Variants in ZNF609 observed in about 807,000 individuals in gnomAD.
ZNF609 encodes the protein zinc finger protein 609.
ZNF609 carries 11 observed loss-of-function variants against 109.5 expected under a neutral mutation model. That is an observed-to-expected ratio of 0.10 (90% CI 0.06 to 0.17). The LOEUF is 0.17. Among genes scored for constraint, ZNF609 ranks in the 10% least tolerant of loss-of-function variants. The pLI is 1.00. For synonymous variants in ZNF609, 646 were observed against 662.0 expected (o/e 0.98, Z 0.37); for missense variants, 1,559 against 1,772.4 (o/e 0.88, Z 2.16).
At chr15:64,644,981 T>TTTTCTTTCTTTCTTTC (rs147608283) in intron 3 of ZNF609, among the ~76,000 whole-genome samples, 1,748 of 139,580 alleles carry the variant, frequency 0.013, 25 homozygotes, top group African/African-American at 0.034. Context: ...CTTTCTTTCT[T>TTTTCTTTCTTTCTTTC]TTTCTTTCTT....
chr15:64,577,045 CATAA>C (rs1212335490), intron 2 of ZNF609, among the ~76,000 whole-genome samples: 2 of 99,392 alleles, frequency 2.0e-5, no homozygotes, highest in African/African-American at 7.0e-5. Flanking sequence ...TATATATACA[CATAA>C]ATATATACAT....
chr15:64,480,303 G>A (rs2140336796), intron 1 of ZNF609, among the ~76,000 whole-genome samples: 1 of 152,276 alleles, frequency 6.6e-6, no homozygotes, highest in South Asian at 2.1e-4. Flanking sequence ...GGAGGCTGAG[G>A]CAGGTGGATC....
At chr15:64,486,891 C>T (rs577524817) in intron 1 of ZNF609, among the ~76,000 whole-genome samples, 2 of 152,232 alleles carry the variant, frequency 1.3e-5, no homozygotes, top group East Asian at 1.9e-4. Context: ...TGAGCCACTA[C>T]GCCTGGCCTT....
chr15:64,511,586 A>G (rs901580174), intron 2 of ZNF609, among the ~76,000 whole-genome samples: 11 of 152,044 alleles, frequency 7.2e-5, no homozygotes, highest in Non-Finnish European at 1.3e-4. Flanking sequence ...AGAAATTAAC[A>G]TTCAGGTTGC....
At chr15:64,609,167 C>G (rs962808535) in intron 2 of ZNF609, among the ~76,000 whole-genome samples, 1 of 128,730 alleles carries the variant, frequency 7.8e-6, no homozygotes, top group Non-Finnish European at 1.6e-5. Flanking sequence ...CTCTTTCTTT[C>G]TTTCTGTCTG....
intron 3 of ZNF609, among the ~76,000 whole-genome samples, chr15:64,642,160 C>G (rs1436520007): frequency 6.6e-6 from 1 of 152,102 alleles, no homozygotes; most frequent in Non-Finnish European, 1.5e-5. Flanking sequence ...AAATTTGGAG[C>G]TAAAATACAG....
chr15:64,677,547 A>G (rs991924090), intron 5 of ZNF609, among the ~76,000 whole-genome samples: 1 of 152,026 alleles, frequency 6.6e-6, no homozygotes, highest in Non-Finnish European at 1.5e-5. Flanking sequence ...TGGTCTCTCT[A>G]TTTTTTAGAG....
At chr15:64,478,030 A>G (rs919562866) in intron 1 of ZNF609, among the ~76,000 whole-genome samples, 9 of 152,118 alleles carry the variant, frequency 5.9e-5, no homozygotes, top group African/African-American at 2.2e-4. Context: ...CTGAGGATAT[A>G]TTGGGACCCA....
chr15:64,681,005 C>A (rs1335318358), intron 8 of ZNF609, 143 bp downstream of exon 8: 3 of 898,204 alleles, frequency 3.3e-6, no homozygotes, highest in African/African-American at 1.7e-5. Context: ...AGCTTCTAAT[C>A]TGTGCACAGT....
Position 64,597,813 on chromosome 15 carries a change from A to T in ZNF609, c.748-25014A>T, listed in dbSNP as rs185133100. 3.2e-3 allele frequency among the ~76,000 whole-genome samples: 493 copies of T among 152,252 alleles called. 1 individual carries two copies. Among genetic ancestry groups the T allele is most frequent in the Middle Eastern group, 0.01 (3 of 294 alleles). On this transcript the variant is annotated intron_variant, in intron 2 of 9. Transcript: ENST00000326648. ...CCCCAGCTCACAGGACCACCCAGTG[A>T]CCTGTGCAGTGGATCTTCTGACTTA... is the stretch of plus-strand genomic sequence containing the variant.
At position 64,500,027 on chromosome 15, in the gene ZNF609, G is replaced by A. The variant is rs1893538576; in HGVS notation, c.608G>A (p.Gly203Glu). 1 of 1,614,198 alleles carries A rather than the reference G, an allele frequency of 6.2e-7. No individual in the cohort carries two copies. The highest frequency in any genetic ancestry group is 8.5e-7 in the Non-Finnish European group (1 of 1,180,038). ...GRGGQYDGSA[G>E]VDTGAVEPLG... ...GGTGGTCAGTATGATGGAAGTGCAG[G>A]GGTGGATACAGGAGCTGTGGAGCCA... Residue 203 changes from glycine to glutamate, a missense_variant, in exon 2 of 10, where the codon GGG becomes GAG. This residue lies in a region of ZNF609 where 291 missense variants were observed against 317.8 expected (regional missense o/e 0.92). Transcript: ENST00000326648.
chr15:64,571,423 G>A (rs957178291), intron 2 of ZNF609, among the ~76,000 whole-genome samples: 1 of 151,896 alleles, frequency 6.6e-6, no homozygotes, highest in African/African-American at 2.4e-5. Flanking sequence ...AATAATGCCT[G>A]GTGCATGGTA....
At chr15:64,460,209 G>A (rs932622481), upstream of ZNF609, among the ~76,000 whole-genome samples, 2 of 152,022 alleles carry the variant, frequency 1.3e-5, no homozygotes, top group Non-Finnish European at 2.9e-5. Flanking sequence ...GTGGTTGAAG[G>A]ACAACTACAG....
chr15:64,491,369 A>C (rs573580199), intron 1 of ZNF609, among the ~76,000 whole-genome samples: 1 of 152,316 alleles, frequency 6.6e-6, no homozygotes, highest in Admixed American at 6.5e-5. Context: ...GAATTCAGGG[A>C]AGATGGTATA....
chr15:64,683,014 A>T lies in ZNF609; in HGVS notation c.*1328A>T, dbSNP rs2083219661. On this transcript the variant is annotated 3_prime_UTR_variant, in exon 10 of 10. Transcript: ENST00000326648. The stretch of plus-strand genomic sequence containing the variant: ...GGAGCTGTGCTTTGAGGCAGCCAAC[A>T]TTTCTCTGCTCTCCTTAGAAATGCA... 1 of 152,588 alleles carries T rather than the reference A, an allele frequency of 6.6e-6. No homozygotes were observed. The highest frequency in any genetic ancestry group is 1.5e-5 in the Non-Finnish European group (1 of 68,038). The allele number at this position is 152,588 out of a possible 1,614,324, so 9.5% of individuals were successfully genotyped here.
At chr15:64,648,506 A>C (rs949121694) in intron 3 of ZNF609, among the ~76,000 whole-genome samples, 12 of 152,042 alleles carry the variant, frequency 7.9e-5, no homozygotes, top group African/African-American at 2.9e-4. Context: ...AAAACAAACC[A>C]TACAGGCTTT....
rs1893538386 is a variant in ZNF609 at position 64,500,010 on chromosome 15, G to A, written c.591G>A (p.Gln197=). The A allele has an allele frequency of 6.2e-7, 1 of 1,614,202 alleles. No individual in the cohort carries two copies. Among genetic ancestry groups the A allele is most frequent in the African/African-American group, 1.3e-5 (1 of 75,056 alleles). The part of the protein sequence containing the change: ...QPVPLGGRGG[Q]YDGSAGVDTG... The stretch of plus-strand genomic sequence containing the variant: ...TTCCCTTGGGAGGACGGGGTGGTCA[G>A]TATGATGGAAGTGCAGGGGTGGATA... Residue 197 remains glutamine, a synonymous_variant, in exon 2 of 10, where the codon CAG becomes CAA. Coordinates refer to ENST00000326648, the MANE Select transcript of ZNF609 (RefSeq NM_015042.2).
rs1169879124 is a variant in ZNF609, at chr15:64,598,742, GTATATATATATATATATATATATA to G, written c.748-24063_748-24040del. On this transcript the variant is annotated intron_variant, in intron 2 of 9. Transcript: ENST00000326648. ...CTGTCCATCATACATCTTTGTGTGT[GTATATATATATATATATATATATA>G]TATATATATATATATATATATCCTG... 7.5e-4 allele frequency among the ~76,000 whole-genome samples: 45 copies of G among 60,278 alleles called. 1 individual carries two copies. The highest frequency in any genetic ancestry group is 4.3e-3 in the South Asian group (7 of 1,632). The allele number at this position is 60,278 out of a possible 152,430, so 39.5% of individuals were successfully genotyped here.
At chr15:64,521,180 G>A (rs1466328980) in intron 2 of ZNF609, among the ~76,000 whole-genome samples, 2 of 152,182 alleles carry the variant, frequency 1.3e-5, no homozygotes, top group African/African-American at 4.8e-5. Flanking sequence ...AGGAGTCCAA[G>A]ATAAGATCCC....
Sources: allele counts gnomAD v4.1 joint callset (sites outside exome capture counted in the v4.1 genomes callset), GRCh38; gene constraint gnomAD v4.1.1; regional missense constraint gnomAD v4.1.1; transcripts MANE v1.5; gene names NCBI Gene and HGNC (gene_info 2026-07-23, HGNC 2026-07-21).